Variants in TMCO5A observed in about 807,000 individuals in gnomAD.
TMCO5A encodes the protein transmembrane and coiled-coil domain-containing protein 5A.
In TMCO5A, 34 loss-of-function variants were observed where a neutral mutation model predicts 42.3. The observed-to-expected ratio is 0.80, with a 90% CI of 0.61 to 1.07. The LOEUF is 1.07. TMCO5A is among the 50% of genes least tolerant of loss of function. TMCO5A has a pLI of 0.00. For synonymous variants in TMCO5A, 131 were observed against 115.6 expected (o/e 1.13, Z -0.86); for missense variants, 357 against 327.9 (o/e 1.09, Z -0.69).
chr15:38,017,226 T>G, the TMCO5A span, among the ~76,000 whole-genome samples: 1 of 152,206 alleles, frequency 6.6e-6, no homozygotes, highest in Non-Finnish European at 1.5e-5. Context: ...TAGAATCAAA[T>G]TAATTTATAA....
intron 11 of TMCO5A, among the ~76,000 whole-genome samples, chr15:37,961,294 A>T (rs1455329842): frequency 1.3e-5 from 2 of 151,866 alleles, no homozygotes; most frequent in African/African-American, 4.8e-5. Context: ...TTGTTGAAAA[A>T]GGTGTCCTTT....
chr15:37,992,921 TAAA>T, the TMCO5A span, among the ~76,000 whole-genome samples: 1 of 152,144 alleles, frequency 6.6e-6, no homozygotes, highest in Non-Finnish European at 1.5e-5. Flanking sequence ...ACCTGGGTGA[TAAA>T]ATAATCTGTA....
chr15:37,999,634 T>C, the TMCO5A span, among the ~76,000 whole-genome samples: 1 of 152,232 alleles, frequency 6.6e-6, no homozygotes, highest in African/African-American at 2.4e-5. Context: ...TTTTGGTTTT[T>C]CCTCATTCAG....
intron 11 of TMCO5A, among the ~76,000 whole-genome samples, chr15:37,964,757 T>G (rs1245432565): frequency 6.6e-6 from 1 of 152,128 alleles, no homozygotes. Context: ...TGAAAGAAAT[T>G]GAAGAGGACA....
the TMCO5A span, among the ~76,000 whole-genome samples, chr15:37,976,247 A>G: frequency 4.6e-5 from 7 of 151,546 alleles, no homozygotes; most frequent in South Asian, 1.5e-3. Flanking sequence ...CCCATCTTAA[A>G]AAAAAAAAAA....
chr15:37,964,184 T>C (rs2937987), intron 11 of TMCO5A, among the ~76,000 whole-genome samples: 144,951 of 152,164 alleles, frequency 0.95, 69,444 homozygotes, highest in East Asian at 1. Flanking sequence ...TTTTGTCCCA[T>C]GGGGTGTTCC....
Position 37,943,285 on chromosome 15 carries a change from G to A in TMCO5A, c.570-56G>A. ...GCTTTTTTAAAATAACCATAGTGTA[G>A]TATGAATATTTCAGTGCACTTTGTT... On this transcript the variant is annotated intron_variant, in intron 9 of 11. Coordinates refer to ENST00000319669, the MANE Select transcript of TMCO5A (RefSeq NM_152453.4). The A allele has an allele frequency of 7.2e-6, 11 of 1,528,696 alleles. No individual in the cohort carries two copies. In the South Asian group the frequency reaches 1.1e-4, roughly 16 times the overall value. 94.7% of individuals were successfully genotyped at this position (1,528,696 alleles called of 1,614,324 possible). A position where few individuals can be genotyped will look rare whatever the true frequency, so the allele number is the denominator to read the frequency against.
At position 37,962,931 on chromosome 15, in the gene TMCO5A, T is replaced by C. The variant is rs978921221; in HGVS notation, c.669-3694T>C. The stretch of plus-strand genomic sequence containing the variant: ...ATGAGATTATTTGGATTTTCTCTCT[T>C]GTTTTCTTTATTTATATTGCTAATG... On this transcript the variant is annotated intron_variant, in intron 11 of 11. Transcript: ENST00000559502. Among the ~76,000 whole-genome samples, 2 of 152,280 alleles carry C rather than the reference T, an allele frequency of 1.3e-5. 1 individual carries two copies. Among genetic ancestry groups the C allele is most frequent in the South Asian group, 4.1e-4 (2 of 4,832 alleles).
the TMCO5A span, among the ~76,000 whole-genome samples, chr15:37,982,196 T>C: frequency 6.6e-6 from 1 of 152,120 alleles, no homozygotes; most frequent in Non-Finnish European, 1.5e-5. Flanking sequence ...TGATAAAGTA[T>C]TTGAGTATCA....
At chr15:38,034,778 T>G in the TMCO5A span, among the ~76,000 whole-genome samples, 1 of 152,156 alleles carries the variant, frequency 6.6e-6, no homozygotes, top group Non-Finnish European at 1.5e-5. Flanking sequence ...GGACACACCA[T>G]GCCTAAATAC....
chr15:38,014,028 TCA>T, the TMCO5A span, among the ~76,000 whole-genome samples: 1 of 152,174 alleles, frequency 6.6e-6, no homozygotes, highest in Non-Finnish European at 1.5e-5. Context: ...GCTTCTGTCC[TCA>T]CATTATCTGA....
At chr15:38,024,468 T>C in the TMCO5A span, among the ~76,000 whole-genome samples, 1 of 152,162 alleles carries the variant, frequency 6.6e-6, no homozygotes, top group Non-Finnish European at 1.5e-5. Context: ...CCCTGTTCCA[T>C]TTTCCCCCAT....
At chr15:37,989,675 C>T in the TMCO5A span, among the ~76,000 whole-genome samples, 1 of 151,962 alleles carries the variant, frequency 6.6e-6, no homozygotes, top group African/African-American at 2.4e-5. Context: ...TACATTTGTG[C>T]TGCTATAACA....
At chr15:38,032,729 G>C in the TMCO5A span, among the ~76,000 whole-genome samples, 2 of 152,092 alleles carry the variant, frequency 1.3e-5, no homozygotes, top group Non-Finnish European at 2.9e-5. Context: ...AGCAAACCAA[G>C]GGTAGCACTG....
chr15:38,037,350 T>C, the TMCO5A span, among the ~76,000 whole-genome samples: 3 of 152,242 alleles, frequency 2.0e-5, no homozygotes, highest in Non-Finnish European at 4.4e-5. Flanking sequence ...TATTGTACAA[T>C]TGATAGCTGT....
In TMCO5A at chr15:37,951,026, C is replaced by G. The variant is rs754475373; in HGVS notation, c.669-10C>G. The stretch of plus-strand genomic sequence containing the variant: ...TTCTGGTTAACAGTTTCATGGCATT[C>G]TCTTTTTAGGATTTTTTGCTGTCTC... On this transcript the variant is annotated splice_polypyrimidine_tract_variant and intron_variant, in intron 11 of 11. Transcript: ENST00000319669. 10 of 1,609,758 alleles carry G rather than the reference C, an allele frequency of 6.2e-6. No individual in the cohort carries two copies. In the Admixed American group the frequency reaches 1.2e-4, roughly 19 times the overall value.
intron 9 of TMCO5A, 107 bp downstream of exon 9, chr15:37,942,362 C>T (rs573478021): frequency 2.9e-5 from 29 of 1,013,000 alleles, no homozygotes; most frequent in African/African-American, 1.6e-4. Flanking sequence ...GAATGAGTCC[C>T]GACGCCACAT....
the TMCO5A span, among the ~76,000 whole-genome samples, chr15:38,015,199 CCT>C: frequency 6.6e-6 from 1 of 151,916 alleles, no homozygotes; most frequent in Non-Finnish European, 1.5e-5. Context: ...TTGGCAACAC[CCT>C]CATAGACACA....
chr15:37,999,259 T>G, the TMCO5A span, among the ~76,000 whole-genome samples: 1 of 152,212 alleles, frequency 6.6e-6, no homozygotes, highest in Non-Finnish European at 1.5e-5. Context: ...TTTGGTTAAG[T>G]TTACATCTAG....
Sources: allele counts gnomAD v4.1 joint callset (sites outside exome capture counted in the v4.1 genomes callset), GRCh38; gene constraint gnomAD v4.1.1; transcripts MANE v1.5; gene names NCBI Gene and HGNC (gene_info 2026-07-23, HGNC 2026-07-21).